XKR6: variants seen among roughly 807,000 people sequenced by gnomAD.
The protein encoded by XKR6 is XK related 6.
In XKR6, 22 loss-of-function variants were observed where a neutral mutation model predicts 56.7. The observed-to-expected ratio is 0.39, with a 90% CI of 0.28 to 0.55. XKR6 has a LOEUF of 0.55. Among genes scored for constraint, XKR6 ranks in the 20% least tolerant of loss-of-function variants. XKR6 has a pLI of 0.66. For missense variants in XKR6, 852 were observed against 889.0 expected (o/e 0.96, Z 0.53); for synonymous variants, 524 against 387.8 (o/e 1.35, Z -4.13).
chr8:11,123,502 T>C (rs940132979), intron 1 of XKR6: 1 of 217,448 alleles, frequency 4.6e-6, no homozygotes, highest in Non-Finnish European at 9.3e-6. Flanking sequence ...CAAGACCAGC[T>C]GCTACAATGT....
At chr8:11,007,118 C>G (rs891935951) in intron 1 of XKR6, among the ~76,000 whole-genome samples, 1 of 152,140 alleles carries the variant, frequency 6.6e-6, no homozygotes, top group Non-Finnish European at 1.5e-5. Context: ...TGTCTTCTTG[C>G]CTCCAGCCTG....
At chr8:11,156,687 C>T (rs1801535107) in intron 1 of XKR6, among the ~76,000 whole-genome samples, 1 of 152,172 alleles carries the variant, frequency 6.6e-6, no homozygotes, top group African/African-American at 2.4e-5. Context: ...TACAAAGTGA[C>T]TGCACAGTGG....
At chr8:11,114,232 C>G (rs766828743) in intron 1 of XKR6, 7 of 276,734 alleles carry the variant, frequency 2.5e-5, no homozygotes, top group Non-Finnish European at 4.9e-5. Context: ...GAATCACAAT[C>G]CTATTTTGAA....
intron 2 of XKR6, among the ~76,000 whole-genome samples, chr8:10,904,029 C>T (rs1303687035): frequency 6.6e-6 from 1 of 152,192 alleles, no homozygotes; most frequent in African/African-American, 2.4e-5. Context: ...TGGAAGCCCC[C>T]AGTGAAATTC....
intron 1 of XKR6, among the ~76,000 whole-genome samples, chr8:11,152,116 A>G (rs1272739581): frequency 1.3e-5 from 2 of 152,244 alleles, no homozygotes; most frequent in Non-Finnish European, 2.9e-5. Flanking sequence ...ATAGAATTCA[A>G]ATAAGAATCT....
intron 1 of XKR6, among the ~76,000 whole-genome samples, chr8:10,941,557 T>G (rs145814986): frequency 1.7e-3 from 256 of 152,322 alleles, no homozygotes; most frequent in African/African-American, 5.9e-3. Flanking sequence ...TCTCTGAGCC[T>G]GATTTTGCCC....
chr8:11,056,486 G>C (rs543682598), intron 1 of XKR6, among the ~76,000 whole-genome samples: 1 of 152,146 alleles, frequency 6.6e-6, no homozygotes, highest in East Asian at 1.9e-4. Context: ...CTGTGCACAT[G>C]GCAGGCTCTT....
At chr8:11,125,288 T>C (rs1207956279) in intron 1 of XKR6, among the ~76,000 whole-genome samples, 1 of 151,810 alleles carries the variant, frequency 6.6e-6, no homozygotes, top group Non-Finnish European at 1.5e-5. Context: ...GCCAGGCAAA[T>C]GCAGACCATC....
intron 1 of XKR6, among the ~76,000 whole-genome samples, chr8:11,130,360 G>A (rs899156512): frequency 2.0e-5 from 3 of 151,696 alleles, no homozygotes; most frequent in East Asian, 3.9e-4. Flanking sequence ...GTGTTTTATC[G>A]CCATATCTAC....
chr8:11,197,322 G>C (rs1585045758), intron 1 of XKR6, among the ~76,000 whole-genome samples: 1 of 152,192 alleles, frequency 6.6e-6, no homozygotes, highest in African/African-American at 2.4e-5. Context: ...GAAGAGAACT[G>C]ACAATGCACT....
chr8:11,060,623 T>C (rs1366351898), intron 1 of XKR6, among the ~76,000 whole-genome samples: 1 of 152,174 alleles, frequency 6.6e-6, no homozygotes, highest in African/African-American at 2.4e-5. Flanking sequence ...AGGTTACACT[T>C]CCCGTACACA....
intron 1 of XKR6, among the ~76,000 whole-genome samples, chr8:10,951,842 C>T (rs1042249512): frequency 9.2e-5 from 14 of 152,038 alleles, no homozygotes; most frequent in Admixed American, 3.9e-4. Flanking sequence ...GAGCCCGGAC[C>T]AAGGAGGGGG....
chr8:10,930,640 C>G (rs1801026390), intron 1 of XKR6, among the ~76,000 whole-genome samples: 1 of 152,160 alleles, frequency 6.6e-6, no homozygotes. Flanking sequence ...AAGGCTGGTC[C>G]AATATTCAAA....
intron 2 of XKR6, among the ~76,000 whole-genome samples, chr8:10,922,992 C>G (rs1036785353): frequency 5.9e-5 from 9 of 152,212 alleles, no homozygotes; most frequent in African/African-American, 1.9e-4. Context: ...CTCCAAGAAG[C>G]TGGAGCCCCT....
At chr8:10,945,974 G>A (rs1175633925) in intron 1 of XKR6, among the ~76,000 whole-genome samples, 2 of 152,040 alleles carry the variant, frequency 1.3e-5, no homozygotes, top group East Asian at 3.9e-4. Flanking sequence ...TTCCTCTCTA[G>A]CCCCCACGCA....
intron 1 of XKR6, among the ~76,000 whole-genome samples, chr8:10,955,448 T>C (rs988198024): frequency 9.9e-5 from 15 of 152,208 alleles, no homozygotes; most frequent in African/African-American, 3.6e-4. Context: ...CCCAAAGTGC[T>C]AGAATTGCAG....
chr8:11,125,253 C>T (rs887910138), intron 1 of XKR6, among the ~76,000 whole-genome samples: 8 of 152,068 alleles, frequency 5.3e-5, no homozygotes, highest in Admixed American at 3.9e-4. Context: ...GCGAGGCAAC[C>T]GCTGCTGCTC....
intron 1 of XKR6, among the ~76,000 whole-genome samples, chr8:11,055,705 C>A (rs1277779654): frequency 1.3e-5 from 2 of 152,306 alleles, no homozygotes; most frequent in Non-Finnish European, 2.9e-5. Context: ...ACTTTGCTTG[C>A]ACAGGGCACA....
chr8:10,993,032 GT>G (rs1405790816), intron 1 of XKR6, among the ~76,000 whole-genome samples: 1 of 152,240 alleles, frequency 6.6e-6, no homozygotes, highest in East Asian at 1.9e-4. Context: ...AGAAAGAGAA[GT>G]GGGAGGTGGG....
Sources: allele counts gnomAD v4.1 joint callset (sites outside exome capture counted in the v4.1 genomes callset), GRCh38; gene constraint gnomAD v4.1.1; transcripts MANE v1.5; gene names NCBI Gene and HGNC (gene_info 2026-07-23, HGNC 2026-07-21).